Variants in VSTM4 observed in about 807,000 individuals in gnomAD.
VSTM4 encodes the protein V-set and transmembrane domain-containing protein 4.
Under a neutral mutation model 36.4 loss-of-function variants are expected in VSTM4, and 20 were observed. The observed-to-expected ratio is 0.55, with a 90% CI of 0.39 to 0.80. The LOEUF (loss-of-function observed/expected upper bound fraction) is 0.80, where lower values mean the gene tolerates loss of function less well. VSTM4 is among the 30% of genes least tolerant of loss of function. The pLI is 0.00. For missense variants in VSTM4, 392 were observed against 404.5 expected (o/e 0.97, Z 0.26); for synonymous variants, 182 against 173.9 (o/e 1.05, Z -0.37).
At chr10:49,042,499 AG>A (rs1443350492) in intron 7 of VSTM4, among the ~76,000 whole-genome samples, 1 of 152,260 alleles carries the variant, frequency 6.6e-6, no homozygotes, top group Non-Finnish European at 1.5e-5. Context: ...GAGAGCAGCT[AG>A]GCCCAGACTC....
intron 5 of VSTM4, among the ~76,000 whole-genome samples, chr10:49,056,165 C>G (rs1390349472): frequency 6.6e-6 from 1 of 152,246 alleles, no homozygotes; most frequent in Non-Finnish European, 1.5e-5. Flanking sequence ...TTTACATCAC[C>G]CAAGAAGCTC....
chr10:49,081,791 C>T (rs1003230069), intron 3 of VSTM4, among the ~76,000 whole-genome samples: 1 of 152,212 alleles, frequency 6.6e-6, no homozygotes, highest in Non-Finnish European at 1.5e-5. Flanking sequence ...CCCACACACA[C>T]AAGACCGGTC....
intron 7 of VSTM4, among the ~76,000 whole-genome samples, chr10:49,038,664 T>C (rs973579195): frequency 5.9e-5 from 9 of 152,178 alleles, no homozygotes; most frequent in Admixed American, 5.2e-4. Context: ...GGATATCCCA[T>C]GCACACTGAG....
At position 49,095,699 on chromosome 10, in the gene VSTM4, T is replaced by C. The variant is rs1325009116; in HGVS notation, c.458-9676A>G. Among the ~76,000 whole-genome samples the C allele has an allele frequency of 2.0e-5, 3 of 152,126 alleles. No individual in the cohort carries two copies. In the East Asian group the frequency reaches 5.8e-4, roughly 29 times the overall value. On this transcript the variant is annotated intron_variant, in intron 2 of 7. Transcript: ENST00000332853. ...CCCATGGTCCAGCAATGTGTCCTCA[T>C]CTCCCTTACTCCCATGTCAGCCTCA...
At chr10:49,027,696 G>A (rs1410863871) in intron 7 of VSTM4, among the ~76,000 whole-genome samples, 1 of 152,188 alleles carries the variant, frequency 6.6e-6, no homozygotes, top group Non-Finnish European at 1.5e-5. Context: ...GAATCATACA[G>A]TGTGTAACCT....
At chr10:49,102,604 A>G in intron 2 of VSTM4, 1 of 985,416 alleles carries the variant, frequency 1.0e-6, no homozygotes, top group African/African-American at 1.7e-5. Flanking sequence ...CATTGATGGA[A>G]GATGAAAGCT....
chr10:49,113,470 T>C (rs1261430311), intron 1 of VSTM4, among the ~76,000 whole-genome samples: 2 of 152,234 alleles, frequency 1.3e-5, no homozygotes, highest in Non-Finnish European at 2.9e-5. Context: ...TTTATCCTGA[T>C]ACTCTGTTTA....
chr10:49,070,840 C>A (rs1278657481), intron 4 of VSTM4, among the ~76,000 whole-genome samples: 1 of 152,238 alleles, frequency 6.6e-6, no homozygotes, highest in South Asian at 2.1e-4. Context: ...CTCGCTCCAG[C>A]TGTCCAGGTA....
At chr10:49,063,472 T>C (rs1019687270) in intron 5 of VSTM4, among the ~76,000 whole-genome samples, 4 of 152,216 alleles carry the variant, frequency 2.6e-5, no homozygotes, top group African/African-American at 7.2e-5. Context: ...GGTGGTTTTT[T>C]TATAGTAGCT....
chr10:49,031,072 C>T (rs1170057834), intron 7 of VSTM4, among the ~76,000 whole-genome samples: 1 of 152,170 alleles, frequency 6.6e-6, no homozygotes, highest in East Asian at 1.9e-4. Context: ...CAAGAGGATG[C>T]TTTTGCTTAG....
intron 7 of VSTM4, among the ~76,000 whole-genome samples, chr10:49,034,889 T>C (rs1843404015): frequency 1.3e-5 from 2 of 152,230 alleles, no homozygotes; most frequent in African/African-American, 4.8e-5. Flanking sequence ...GAAATGATAT[T>C]GTTTCATGAG....
At chr10:49,066,388 A>C (rs751321682) in intron 4 of VSTM4, among the ~76,000 whole-genome samples, 28 of 152,262 alleles carry the variant, frequency 1.8e-4, no homozygotes, top group Non-Finnish European at 3.4e-4. Flanking sequence ...CTTTGCTTTC[A>C]ACAAGGATTG....
At chr10:49,034,988 G>A (rs980853153) in intron 7 of VSTM4, among the ~76,000 whole-genome samples, 2 of 152,240 alleles carry the variant, frequency 1.3e-5, no homozygotes, top group African/African-American at 4.8e-5. Flanking sequence ...AATAACGGCA[G>A]CAAATCAGCC....
At chr10:49,025,241 A>T (rs1339046297) in intron 7 of VSTM4, among the ~76,000 whole-genome samples, 1 of 152,168 alleles carries the variant, frequency 6.6e-6, no homozygotes, top group Non-Finnish European at 1.5e-5. Context: ...AGCCCTAGCA[A>T]ATGAATACAT....
chr10:49,020,522 GAT>G (rs1417286078), intron 7 of VSTM4, among the ~76,000 whole-genome samples: 1 of 150,844 alleles, frequency 6.6e-6, no homozygotes. Context: ...TAAAAAATAA[GAT>G]AAGAGACATA....
chr10:49,092,660 T>C (rs1844496767), intron 2 of VSTM4, among the ~76,000 whole-genome samples: 1 of 151,898 alleles, frequency 6.6e-6, no homozygotes, highest in African/African-American at 2.4e-5. Flanking sequence ...CGGACCTAGG[T>C]GAGGACAGGC....
intron 1 of VSTM4, among the ~76,000 whole-genome samples, chr10:49,110,466 T>C (rs1383650203): frequency 6.6e-6 from 1 of 152,158 alleles, no homozygotes; most frequent in East Asian, 1.9e-4. Flanking sequence ...TTTTGCCCCA[T>C]ATTCTCTTAC....
At position 49,024,074 on chromosome 10, in the gene VSTM4, T is replaced by C. The variant is rs149768175; in HGVS notation, c.838-4299A>G. On this transcript the variant is annotated intron_variant, in intron 7 of 7. Coordinates refer to ENST00000332853, the MANE Select transcript of VSTM4 (RefSeq NM_001031746.5). ...AAAAAGCCCTAGAACTTTCTAAATA[T>C]GTGAGAAGCAACTCGGCCATTTCCT... 4.1e-3 allele frequency among the ~76,000 whole-genome samples: 627 copies of C among 152,338 alleles called. 6 individuals are homozygous for C. The highest frequency in any genetic ancestry group is 8.3e-3 in the Admixed American group (127 of 15,306).
At chr10:49,114,712 C>T (rs12770876) in intron 1 of VSTM4, among the ~76,000 whole-genome samples, 25 of 152,106 alleles carry the variant, frequency 1.6e-4, no homozygotes, top group African/African-American at 5.8e-4. Context: ...TGTATTATTA[C>T]TATTATTCCA....
Sources: allele counts gnomAD v4.1 joint callset (sites outside exome capture counted in the v4.1 genomes callset), GRCh38; gene constraint gnomAD v4.1.1; transcripts MANE v1.5; gene names NCBI Gene and HGNC (gene_info 2026-07-23, HGNC 2026-07-21).